MGAM: variants seen among roughly 807,000 people sequenced by gnomAD.
MGAM encodes maltase-glucoamylase.
MGAM carries 253 observed loss-of-function variants against 358.8 expected under a neutral mutation model. The ratio of observed to expected loss-of-function variants is 0.71; its 90% CI spans 0.64 to 0.78. The LOEUF (loss-of-function observed/expected upper bound fraction) is 0.78, where lower values mean the gene tolerates loss of function less well. Among genes scored for constraint, MGAM ranks in the 30% least tolerant of loss-of-function variants. The pLI is 0.00. For synonymous variants in MGAM, 1,105 were observed against 1,227.1 expected (o/e 0.90, Z 2.08); for missense variants, 3,080 against 3,432.6 (o/e 0.90, Z 2.57).
chr7:142,101,961 G>A (rs991485113), intron 68 of MGAM, among the ~76,000 whole-genome samples: 3 of 151,760 alleles, frequency 2.0e-5, no homozygotes, highest in African/African-American at 4.8e-5. Context: ...AAAAGAAAGG[G>A]GCCAGCACAC....
intron 24 of MGAM, among the ~76,000 whole-genome samples, chr7:142,051,329 G>C (rs1358943686): frequency 1.3e-5 from 2 of 152,068 alleles, no homozygotes; most frequent in African/African-American, 4.8e-5. Flanking sequence ...CTTGAATGAA[G>C]GCTGTGCTAC....
chr7:142,076,631 T>G, intron 46 of MGAM, 28 bp from the exon 47 acceptor site: 1 of 1,483,936 alleles, frequency 6.7e-7, no homozygotes, highest in African/African-American at 1.3e-5. Flanking sequence ...CATACCTTTA[T>G]GCATAATTGG....
At position 142,076,192 on chromosome 7, in the gene MGAM, G is replaced by A. The variant is rs748978629; in HGVS notation, c.5276-11G>A. The A allele has an allele frequency of 2.0e-5, 31 of 1,540,700 alleles. 2 individuals carry two copies. The Admixed American group carries it at 5.0e-4, about 25-fold the overall frequency. Reference sequence around the variant, plus strand: ...AAGCCGGAGTCTGACTTGTCTTTCTGTCACTTTCAGATACTGTGGCCAAGA... The same window carrying A: ...AAGCCGGAGTCTGACTTGTCTTTCTATCACTTTCAGATACTGTGGCCAAGA... On this transcript the variant is annotated splice_polypyrimidine_tract_variant and intron_variant, in intron 45 of 70. Transcript: ENST00000475668.
chr7:142,085,700 A>G, intron 54 of MGAM, 133 bp from the exon 55 acceptor site: 1 of 1,231,204 alleles, frequency 8.1e-7, no homozygotes, highest in Non-Finnish European at 1.1e-6. Flanking sequence ...TACCTAACAA[A>G]TGGCAGAGCT....
chr7:142,102,748 G>A (rs1209845500), intron 69 of MGAM, 69 bp downstream of exon 69: 1 of 1,409,194 alleles, frequency 7.1e-7, no homozygotes. Context: ...TATCGTAAGG[G>A]CATAAAATAC....
chr7:141,997,692 A>C (rs1196028066), intron 1 of MGAM, among the ~76,000 whole-genome samples: 1 of 151,876 alleles, frequency 6.6e-6, no homozygotes, highest in Non-Finnish European at 1.5e-5. Context: ...TGAGACCCAG[A>C]GGGGTTAAGT....
rs776894832 is a variant in MGAM at position 142,058,228 on chromosome 7, C to T, written c.3719C>T (p.Pro1240Leu). The T allele has an allele frequency of 2.5e-6, 4 of 1,613,796 alleles. No individual in the cohort carries two copies. Among genetic ancestry groups the T allele is most frequent in the Non-Finnish European group, 3.4e-6 (4 of 1,179,822 alleles). Reference protein sequence around the residue: ...TELIGRPVMVPYWSLGFQLCR... With the variant: ...TELIGRPVMVLYWSLGFQLCR... ...TTGATTGGCCGGCCTGTGATGGTAC[C>T]TTACTGGTCTTTGGGGTTCCAGCTG... The change falls in exon 31 of 71, where the codon CCT becomes CTT. Residue 1240 changes from proline to leucine, a missense_variant. Coordinates refer to ENST00000475668, the MANE Select transcript of MGAM (RefSeq NM_001365693.1).
chr7:142,001,274 A>T (rs1804711333), intron 1 of MGAM, among the ~76,000 whole-genome samples: 1 of 152,180 alleles, frequency 6.6e-6, no homozygotes, highest in Non-Finnish European at 1.5e-5. Context: ...TTCCTTTTGC[A>T]TAGTAAGAGG....
intron 19 of MGAM, among the ~76,000 whole-genome samples, chr7:142,039,509 A>C (rs1260117881): frequency 6.6e-6 from 1 of 152,098 alleles, no homozygotes; most frequent in Admixed American, 6.6e-5. Flanking sequence ...CTCATCATCC[A>C]GTCAGCTCCC....
intron 69 of MGAM, 30 bp downstream of exon 69, chr7:142,102,709 G>T: frequency 6.2e-7 from 1 of 1,602,162 alleles, no homozygotes. Flanking sequence ...AGTGAGAATA[G>T]GGTTCCACTG....
intron 21 of MGAM, among the ~76,000 whole-genome samples, chr7:142,042,827 AT>A: frequency 2.1e-5 from 1 of 48,472 alleles, no homozygotes; most frequent in East Asian, 5.3e-4. Context: ...TCTAAATATA[AT>A]ATCTATATTA....
At chr7:142,095,403 G>T (rs1173268964) in intron 63 of MGAM, among the ~76,000 whole-genome samples, 162 bp from the exon 64 acceptor site, 6 of 152,216 alleles carry the variant, frequency 3.9e-5, no homozygotes, top group Non-Finnish European at 7.3e-5. Context: ...GAGAGCATCA[G>T]TGAACTTTTC....
chr7:142,001,684 TTAA>T lies in MGAM; in HGVS notation c.-2-3843_-2-3841del, dbSNP rs547713057. 2.0e-3 allele frequency among the ~76,000 whole-genome samples: 310 copies of T among 152,236 alleles called. 1 individual carries two copies. The highest frequency in any genetic ancestry group is 6.9e-3 in the African/African-American group (287 of 41,546). ...TCCAACACACGGGGCCATAAAGCAC[TTAA>T]TGAAGGTCATACCAGAGCAAGCCAA... is the stretch of plus-strand genomic sequence containing the variant. On this transcript the variant is annotated intron_variant, in intron 1 of 70. Transcript: ENST00000475668.
chr7:142,071,195 G>A, intron 44 of MGAM, 77 bp downstream of exon 44: 1 of 1,441,162 alleles, frequency 6.9e-7, no homozygotes, highest in South Asian at 1.3e-5. Context: ...CAAAATGTAA[G>A]CATCACTTTC....
rs1450335122 is a variant in MGAM, at chr7:142,082,161, A to T, written c.6122A>T (p.Asp2041Val). The T allele has an allele frequency of 1.3e-6, 2 of 1,554,922 alleles. 1 individual carries two copies. Among genetic ancestry groups the T allele is most frequent in the Admixed American group, 3.4e-5 (2 of 58,360 alleles). Reference sequence around the variant, plus strand: ...ACTGAGCACACGTCCTACAGGAGAGACTTGGAGTGGCACACTTGGGGGATG... The same window carrying T: ...ACTGAGCACACGTCCTACAGGAGAGTCTTGGAGTGGCACACTTGGGGGATG... ...GETEHTSYRR[D>V]LEWHTWGMFS... The change falls in exon 51 of 71, where the codon GAC becomes GTC. Residue 2041 changes from aspartate to valine, a missense_variant. Around this residue, in one of 5 missense-constraint regions of MGAM, gnomAD observed 932 missense variants for 1,198.2 expected, o/e 0.78. Transcript: ENST00000475668.
At chr7:142,045,251 G>GT (rs534275460) in intron 21 of MGAM, among the ~76,000 whole-genome samples, 5,402 of 67,626 alleles carry the variant, frequency 0.08, 776 homozygotes, top group African/African-American at 0.28. Flanking sequence ...TATAATATAT[G>GT]ATATATAATA....
chr7:142,064,514 C>A lies in MGAM; in HGVS notation c.4476C>A (p.Pro1492=). 1.3e-6 allele frequency: 2 copies of A among 1,573,924 alleles called. No individual in the cohort carries two copies. The highest frequency in any genetic ancestry group is 2.4e-5 in the East Asian group (1 of 42,514). Residue 1492 remains proline, a synonymous_variant, in exon 37 of 71, where the codon CCC becomes CCA. Coordinates refer to ENST00000475668, the MANE Select transcript of MGAM (RefSeq NM_001365693.1). Reference sequence around the variant, plus strand: ...TGTATGGGTGGTCCCAGACCAGACCCACATACGAGTGAGTCTCCGTCTCCC... The same window carrying A: ...TGTATGGGTGGTCCCAGACCAGACCAACATACGAGTGAGTCTCCGTCTCCC... ...HNLYGWSQTR[P]TYEAVQEVTG... is the part of the protein sequence containing the mutation.
At chr7:142,042,998 A>G (rs1307386896) in intron 21 of MGAM, among the ~76,000 whole-genome samples, 1 of 93,648 alleles carries the variant, frequency 1.1e-5, no homozygotes, top group East Asian at 3.2e-4. Flanking sequence ...ATATACATAT[A>G]ATATCTAAAT....
chr7:142,038,094 T>A (rs1808156307), intron 18 of MGAM, among the ~76,000 whole-genome samples: 1 of 152,092 alleles, frequency 6.6e-6, no homozygotes, highest in African/African-American at 2.4e-5. Context: ...CCTTCTACTC[T>A]CTGTGTCCAT....
Sources: gnomAD v4.1 joint callset for allele counts (sites outside exome capture counted in the v4.1 genomes callset) on GRCh38, gnomAD v4.1.1 for gene constraint, gnomAD v4.1.1 regional missense constraint, MANE v1.5 for transcripts, NCBI Gene and HGNC (gene_info 2026-07-23, HGNC 2026-07-21) for gene names.